SGSM1: variants seen among roughly 807,000 people sequenced by gnomAD.
SGSM1 encodes the protein small G protein signaling modulator 1.
SGSM1 carries 73 observed loss-of-function variants against 133.8 expected under a neutral mutation model. The ratio of observed to expected loss-of-function variants is 0.55; its 90% confidence interval spans 0.45 to 0.66. The LOEUF (loss-of-function observed/expected upper bound fraction) is 0.66, where lower values mean the gene tolerates loss of function less well. SGSM1 is among the 30% of genes least tolerant of loss of function. The pLI is 0.00. For missense variants in SGSM1, 1,213 were observed against 1,448.1 expected (o/e 0.84, Z 2.64); for synonymous variants, 563 against 573.0 (o/e 0.98, Z 0.25).
intron 5 of SGSM1, among the ~76,000 whole-genome samples, chr22:24,854,542 G>T (rs1441435472): frequency 1.3e-5 from 2 of 152,220 alleles, no homozygotes; most frequent in Non-Finnish European, 2.9e-5. Flanking sequence ...GGGCTTACAG[G>T]TGGCTTATGC....
intron 12 of SGSM1, among the ~76,000 whole-genome samples, chr22:24,869,385 TG>T (rs1388954458): frequency 6.6e-6 from 1 of 151,954 alleles, no homozygotes; most frequent in Admixed American, 6.6e-5. Context: ...CCAGGTGTGG[TG>T]GCATGCATCT....
intron 12 of SGSM1, among the ~76,000 whole-genome samples, chr22:24,870,681 A>G (rs1469037513): frequency 2.6e-5 from 4 of 152,146 alleles, no homozygotes; most frequent in South Asian, 4.2e-4. Flanking sequence ...TTCTCTGGCC[A>G]CAAGAGTCCC....
chr22:24,891,745 G>A (rs904697902), intron 16 of SGSM1, among the ~76,000 whole-genome samples: 1 of 152,156 alleles, frequency 6.6e-6, no homozygotes, highest in Admixed American at 6.6e-5. Flanking sequence ...GGAGCATATG[G>A]GAAGCACCTA....
At chr22:24,901,042 G>C (rs1487854660) in intron 19 of SGSM1, 3 of 152,206 alleles carry the variant, frequency 2.0e-5, no homozygotes, top group Non-Finnish European at 4.4e-5. Context: ...TAAACCGCAT[G>C]AGTTACAAAC....
chr22:24,905,226 T>C (rs759176915), intron 21 of SGSM1, 39 bp downstream of exon 21: 1 of 1,582,520 alleles, frequency 6.3e-7, no homozygotes, highest in East Asian at 2.2e-5. Flanking sequence ...GAGGGTGCAT[T>C]TCCTTTCCAC....
chr22:24,912,676 T>C lies in SGSM1; in HGVS notation c.2852T>C (p.Met951Thr). 1 of 1,613,772 alleles carries C rather than the reference T, an allele frequency of 6.2e-7. No individual in the cohort carries two copies. The highest frequency in any genetic ancestry group is 8.5e-7 in the Non-Finnish European group (1 of 1,179,896). The change falls in exon 22 of 25, where the codon ATG becomes ACG. Residue 951 changes from methionine to threonine, a missense_variant. Met to Thr is a moderately conservative substitution (Grantham distance 81). Transcript: ENST00000400358. The stretch of plus-strand genomic sequence containing the variant: ...GCCTTCAGCTGCTTCACGGAGCTCA[T>C]GAAGAGGATGAACCAGAACTTCCCC... ...ALAFSCFTEL[M>T]KRMNQNFPHG...
chr22:24,894,423 A>G (rs1334830870), intron 17 of SGSM1, among the ~76,000 whole-genome samples: 1 of 152,232 alleles, frequency 6.6e-6, no homozygotes, highest in Non-Finnish European at 1.5e-5. Flanking sequence ...AGCAGTGATG[A>G]TATCAGTCAT....
chr22:24,839,325 A>C (rs1440603382), intron 2 of SGSM1, among the ~76,000 whole-genome samples: 1 of 152,124 alleles, frequency 6.6e-6, no homozygotes, highest in Non-Finnish European at 1.5e-5. Context: ...CAGCCTCCCA[A>C]AGTGCTGGGA....
intron 22 of SGSM1, 123 bp downstream of exon 22, chr22:24,912,875 T>C: frequency 1.5e-6 from 1 of 651,238 alleles, no homozygotes; most frequent in Non-Finnish European, 2.7e-6. Flanking sequence ...ATTTCTGCCA[T>C]ACAAACTCAG....
Position 24,806,271 on chromosome 22 carries a change from A to ACCGCCGCCACCGCCG in SGSM1, c.-52_-38dup. 2 of 1,393,360 alleles carry ACCGCCGCCACCGCCG rather than the reference A, an allele frequency of 1.4e-6. No homozygotes were observed. Among genetic ancestry groups the ACCGCCGCCACCGCCG allele is most frequent in the Non-Finnish European group, 9.3e-7 (1 of 1,078,078 alleles). 86.3% of individuals were successfully genotyped at this position (1,393,360 alleles called of 1,614,324 possible). A position where few individuals can be genotyped will look rare whatever the true frequency, so the allele number is the denominator to read the frequency against. The stretch of plus-strand genomic sequence containing the variant: ...CAGCAGCGCCGCGGCCGGAGGAGCT[A>ACCGCCGCCACCGCCG]CCGCCGCCACCGCCGCCACCGCCTC... On this transcript the variant is annotated 5_prime_UTR_variant, in exon 1 of 25. Coordinates refer to ENST00000400358, the MANE Select transcript of SGSM1 (RefSeq NM_001098497.3).
intron 2 of SGSM1, among the ~76,000 whole-genome samples, chr22:24,828,761 A>G (rs1928938525): frequency 6.6e-6 from 1 of 152,248 alleles, no homozygotes; most frequent in Admixed American, 6.5e-5. Flanking sequence ...TCTGTTATAA[A>G]GACATATGCA....
At chr22:24,868,985 T>A in intron 12 of SGSM1, 130 bp downstream of exon 12, 1 of 1,390,598 alleles carries the variant, frequency 7.2e-7, no homozygotes, top group Non-Finnish European at 9.6e-7. Context: ...AAACAGAAAG[T>A]CGGTTTCTTG....
At position 24,847,635 on chromosome 22, in the gene SGSM1, G is replaced by T. The variant is rs370310574; in HGVS notation, c.141G>T (p.Ala47=). Residue 47 remains alanine, a splice_region_variant and synonymous_variant, in exon 4 of 25, where the codon GCG becomes GCT. Coordinates refer to ENST00000400358, the MANE Select transcript of SGSM1 (RefSeq NM_001098497.3). ...CTGCTGACTGCCATGTCCCTGCAGC[G>T]GCTGTGGAGGCCTGCGTTCTGCACG... is the stretch of plus-strand genomic sequence containing the variant. The part of the protein sequence containing the change: ...EDSSHIISFC[A]AVEACVLHGL... 5 of 1,612,926 alleles carry T rather than the reference G, an allele frequency of 3.1e-6. No homozygotes were observed. Among genetic ancestry groups the T allele is most frequent in the Non-Finnish European group, 4.2e-6 (5 of 1,179,584 alleles).
chr22:24,898,117 G>T lies in SGSM1; in HGVS notation c.2168G>T (p.Gly723Val). The T allele has an allele frequency of 6.2e-7, 1 of 1,613,958 alleles. No individual in the cohort carries two copies. Among genetic ancestry groups the T allele is most frequent in the African/African-American group, 1.3e-5 (1 of 75,040 alleles). ...CCTTCCTCCCATAACTTCTCCTCGG[G>T]CCTCTCAGAGCACTCAGAGCCCAGT... ...GHPSSHNFSS[G>V]LSEHSEPSLS... Residue 723 changes from glycine to valine, a missense_variant, in exon 19 of 25, where the codon GGC (glycine) becomes GTC (valine). Coordinates refer to ENST00000400358, the MANE Select transcript of SGSM1 (RefSeq NM_001098497.3).
At chr22:24,889,846 T>G (rs1932777337) in intron 16 of SGSM1, among the ~76,000 whole-genome samples, 1 of 148,550 alleles carries the variant, frequency 6.7e-6, no homozygotes, top group Admixed American at 6.7e-5. Context: ...AGACGAGGTT[T>G]CACCGTGTTG....
rs139761 is a variant in SGSM1, at chr22:24,911,289, CTTTT to C, written c.2819-1338_2819-1335del. On this transcript the variant is annotated intron_variant, in intron 21 of 24. Coordinates refer to ENST00000400358, the MANE Select transcript of SGSM1 (RefSeq NM_001098497.3). The stretch of plus-strand genomic sequence containing the variant: ...AATAAATGGGGAGCATAATTCCCCA[CTTTT>C]TTTTTTTTTTTTTTTGAGATGGAGT... Among the ~76,000 whole-genome samples the C allele has an allele frequency of 7.0e-3, 900 of 128,526 alleles. 7 individuals carry two copies. Among genetic ancestry groups the C allele is most frequent in the East Asian group, 0.02 (90 of 4,458 alleles). 84.3% of individuals were successfully genotyped at this position (128,526 alleles called of 152,430 possible).
chr22:24,812,558 T>C (rs557716205), intron 2 of SGSM1, among the ~76,000 whole-genome samples: 1 of 152,086 alleles, frequency 6.6e-6, no homozygotes, highest in East Asian at 1.9e-4. Flanking sequence ...GGGAAGGAAA[T>C]GGGGCAGGAA....
intron 2 of SGSM1, among the ~76,000 whole-genome samples, chr22:24,825,552 C>G (rs1181198418): frequency 2.0e-5 from 3 of 152,290 alleles, no homozygotes; most frequent in East Asian, 3.9e-4. Context: ...GTCTCAGTCT[C>G]CCTAGTAGCT....
At chr22:24,838,740 T>A (rs1218353945) in intron 2 of SGSM1, among the ~76,000 whole-genome samples, 3 of 152,198 alleles carry the variant, frequency 2.0e-5, no homozygotes, top group Non-Finnish European at 4.4e-5. Context: ...TGTTTTTTTT[T>A]AATGACAGTA....
Sources: gnomAD v4.1 joint callset for allele counts (sites outside exome capture counted in the v4.1 genomes callset) on GRCh38, gnomAD v4.1.1 for gene constraint, MANE v1.5 for transcripts, NCBI Gene and HGNC (gene_info 2026-07-23, HGNC 2026-07-21) for gene names.